DOCK3: variants seen among roughly 807,000 people sequenced by gnomAD.
DOCK3 encodes the protein dedicator of cytokinesis 3, also known as dedicator of cytokinesis protein 3.
DOCK3 carries 60 observed loss-of-function variants against 265.6 expected under a neutral mutation model. That is an observed-to-expected ratio of 0.23 (90% CI 0.18 to 0.28). The LOEUF (loss-of-function observed/expected upper bound fraction) is 0.28, where lower values mean the gene tolerates loss of function less well. Among genes scored for constraint, DOCK3 ranks in the 10% least tolerant of loss-of-function variants. The pLI is 1.00. For missense variants in DOCK3, 1,981 were observed against 2,594.3 expected (o/e 0.76, Z 5.14); for synonymous variants, 881 against 938.0 (o/e 0.94, Z 1.11).
intron 5 of DOCK3, among the ~76,000 whole-genome samples, chr3:50,935,097 C>T (rs2051283519): frequency 6.6e-6 from 1 of 152,146 alleles, no homozygotes; most frequent in Admixed American, 6.5e-5. Context: ...GAGAGGCACA[C>T]AACTTGGAAA....
intron 22 of DOCK3, among the ~76,000 whole-genome samples, chr3:51,247,376 G>A (rs989689402): frequency 1.3e-5 from 2 of 152,220 alleles, no homozygotes; most frequent in African/African-American, 4.8e-5. Flanking sequence ...GTATTGCTGG[G>A]TAGCTCCAAT....
chr3:50,698,764 T>G (rs935542315), intron 1 of DOCK3, among the ~76,000 whole-genome samples: 1 of 152,000 alleles, frequency 6.6e-6, no homozygotes, highest in Non-Finnish European at 1.5e-5. Context: ...CCCTGATGGC[T>G]GATGATGTTG....
intron 5 of DOCK3, among the ~76,000 whole-genome samples, chr3:51,003,087 G>A (rs1395713208): frequency 6.6e-6 from 1 of 152,174 alleles, no homozygotes; most frequent in African/African-American, 2.4e-5. Flanking sequence ...CCTAACATAA[G>A]ATGTTTCAGA....
intron 27 of DOCK3, among the ~76,000 whole-genome samples, chr3:51,301,253 C>T (rs1399981629): frequency 6.6e-6 from 1 of 152,128 alleles, no homozygotes; most frequent in Non-Finnish European, 1.5e-5. Flanking sequence ...GTGATATCCC[C>T]TTTGTCATTT....
intron 35 of DOCK3, among the ~76,000 whole-genome samples, chr3:51,333,632 T>G (rs750553061): frequency 4.4e-4 from 67 of 152,260 alleles, no homozygotes; most frequent in Non-Finnish European, 7.9e-4. Context: ...GTGCAGACCC[T>G]CCTCAGAACC....
intron 14 of DOCK3, among the ~76,000 whole-genome samples, chr3:51,215,765 C>T (rs1247017256): frequency 6.6e-6 from 1 of 152,204 alleles, no homozygotes; most frequent in Admixed American, 6.5e-5. Flanking sequence ...GTCTTCTACT[C>T]ATACACACAG....
chr3:50,813,527 AAAAG>A (rs1282394217), intron 2 of DOCK3, among the ~76,000 whole-genome samples: 1 of 152,162 alleles, frequency 6.6e-6, no homozygotes, highest in Non-Finnish European at 1.5e-5. Context: ...CCTTGTCTTA[AAAAG>A]AAAGAAAGAA....
chr3:51,184,975 T>C (rs2087511934), intron 12 of DOCK3, among the ~76,000 whole-genome samples: 1 of 152,162 alleles, frequency 6.6e-6, no homozygotes, highest in Non-Finnish European at 1.5e-5. Flanking sequence ...GGAAAAAATA[T>C]GGGAACAATC....
intron 4 of DOCK3, among the ~76,000 whole-genome samples, chr3:50,912,853 C>G (rs1303364338): frequency 6.6e-6 from 1 of 152,060 alleles, no homozygotes; most frequent in Non-Finnish European, 1.5e-5. Flanking sequence ...GGGCAGTGGC[C>G]TCCTCTCTGA....
intron 1 of DOCK3, among the ~76,000 whole-genome samples, chr3:50,743,969 GAAAAT>G (rs1168829991): frequency 6.6e-6 from 1 of 152,126 alleles, no homozygotes; most frequent in African/African-American, 2.4e-5. Flanking sequence ...TTTTTAAAAA[GAAAAT>G]AATAGTCCTC....
intron 28 of DOCK3, among the ~76,000 whole-genome samples, chr3:51,311,029 C>T (rs1177824411): frequency 5.9e-5 from 9 of 152,188 alleles, no homozygotes; most frequent in Admixed American, 5.9e-4. Context: ...AGCACTGTAA[C>T]TTTTTCCAAA....
rs1559878771 is a variant in DOCK3, at chr3:50,970,941, ATATATAAT to A, written c.315+36865_315+36872del. On this transcript the variant is annotated intron_variant, in intron 5 of 52. Transcript: ENST00000266037. ...TATATATATATATATATATATATAT[ATATATAAT>A]GTGTGTGTGTGTGTGTGTATATATA... Among the ~76,000 whole-genome samples, 42 of 71,646 alleles carry A rather than the reference ATATATAAT, an allele frequency of 5.9e-4. 1 individual carries two copies. The highest frequency in any genetic ancestry group is 9.8e-4 in the Non-Finnish European group (38 of 38,660). 47.0% of individuals were successfully genotyped at this position (71,646 alleles called of 152,430 possible).
At chr3:51,317,581 A>AAATAATAAT (rs35402276) in intron 32 of DOCK3, among the ~76,000 whole-genome samples, 5,163 of 139,070 alleles carry the variant, frequency 0.037, 125 homozygotes, top group South Asian at 0.068. Flanking sequence ...CTCCATCACA[A>AAATAATAAT]AATAATAATA....
intron 7 of DOCK3, among the ~76,000 whole-genome samples, chr3:51,078,373 G>T (rs2082122498): frequency 1.3e-5 from 2 of 152,134 alleles, no homozygotes; most frequent in Non-Finnish European, 2.9e-5. Context: ...AATTCAGGAA[G>T]CCCAGTATTC....
intron 51 of DOCK3, among the ~76,000 whole-genome samples, chr3:51,378,420 T>C (rs1411421302): frequency 6.6e-6 from 1 of 152,196 alleles, no homozygotes; most frequent in Non-Finnish European, 1.5e-5. Flanking sequence ...GCTCCTTCCC[T>C]TCCAAAGCCT....
At chr3:51,107,355 G>GC (rs1446519708) in intron 9 of DOCK3, among the ~76,000 whole-genome samples, 1 of 152,170 alleles carries the variant, frequency 6.6e-6, no homozygotes, top group Non-Finnish European at 1.5e-5. Flanking sequence ...TCTTAACTGG[G>GC]CTGAGATGGC....
intron 12 of DOCK3, among the ~76,000 whole-genome samples, chr3:51,180,511 A>G (rs569692463): frequency 6.6e-6 from 1 of 152,234 alleles, no homozygotes; most frequent in African/African-American, 2.4e-5. Context: ...GGATGGGACC[A>G]CATCACTCCT....
At chr3:50,921,016 C>CA (rs1193812301) in intron 4 of DOCK3, among the ~76,000 whole-genome samples, 1 of 152,192 alleles carries the variant, frequency 6.6e-6, no homozygotes, top group Non-Finnish European at 1.5e-5. Flanking sequence ...ACCCAGTAGT[C>CA]ATTCAGGAGC....
At chr3:51,267,410 G>C (rs1174085849) in intron 23 of DOCK3, among the ~76,000 whole-genome samples, 2 of 146,428 alleles carry the variant, frequency 1.4e-5, no homozygotes, top group Non-Finnish European at 3.0e-5. Context: ...TTGAGATGGA[G>C]TTTCACTCTT....
Sources: allele counts gnomAD v4.1 joint callset (sites outside exome capture counted in the v4.1 genomes callset), GRCh38; gene constraint gnomAD v4.1.1; transcripts MANE v1.5; gene names NCBI Gene and HGNC (gene_info 2026-07-23, HGNC 2026-07-21).